The following GYS2 variants were observed in gnomAD, a reference collection of about 807,000 sequenced individuals.
The protein encoded by GYS2 is glycogen [starch] synthase, liver.
GYS2 carries 80 observed loss-of-function variants against 85.6 expected under a neutral mutation model. That is an observed-to-expected ratio of 0.93 (90% confidence interval 0.78 to 1.13). The LOEUF is 1.13. GYS2 is among the 50% of genes most tolerant of loss of function. The pLI is 0.00. For missense variants in GYS2, 881 were observed against 854.9 expected (o/e 1.03, Z -0.38); for synonymous variants, 328 against 300.7 (o/e 1.09, Z -0.94).
At chr12:21,562,874 T>C (rs1041915713) in intron 7 of GYS2, 44 bp downstream of exon 7, 1 of 1,607,856 alleles carries the variant, frequency 6.2e-7, no homozygotes, top group Non-Finnish European at 8.5e-7. Context: ...CAGAAGAAAG[T>C]TCTCCCTACA....
intron 2 of GYS2, among the ~76,000 whole-genome samples, chr12:21,579,261 A>G (rs117965265): frequency 0.016 from 2,429 of 152,284 alleles, 26 homozygotes; most frequent in Non-Finnish European, 0.024. Context: ...TATTGAAGTC[A>G]GTAGTCCAAA....
At chr12:21,563,185 C>T in intron 6 of GYS2, 43 bp downstream of exon 6, 2 of 1,256,102 alleles carry the variant, frequency 1.6e-6, no homozygotes, top group Non-Finnish European at 2.3e-6. Flanking sequence ...AAAGATCACT[C>T]ATATCTGATA....
intron 4 of GYS2, among the ~76,000 whole-genome samples, chr12:21,573,868 C>T (rs1944413607): frequency 6.6e-6 from 1 of 152,218 alleles, no homozygotes; most frequent in Non-Finnish European, 1.5e-5. Flanking sequence ...TGCACCTACA[C>T]CATGTCTTTA....
intron 1 of GYS2, among the ~76,000 whole-genome samples, chr12:21,597,840 C>T (rs1280893324): frequency 1.3e-5 from 2 of 152,074 alleles, no homozygotes; most frequent in Non-Finnish European, 1.5e-5. Flanking sequence ...GTGGTGTATA[C>T]ACACAATTGA....
chr12:21,542,404 A>G, intron 13 of GYS2, 92 bp downstream of exon 13: 1 of 823,096 alleles, frequency 1.2e-6, no homozygotes, highest in Non-Finnish European at 2.2e-6. Context: ...AATTATCAGG[A>G]TAGCTTTAGA....
intron 3 of GYS2, among the ~76,000 whole-genome samples, chr12:21,574,747 A>G (rs1334902577): frequency 6.6e-6 from 1 of 151,826 alleles, no homozygotes; most frequent in Admixed American, 6.6e-5. Context: ...AACTACTTAA[A>G]TTTTTTTTAA....
chr12:21,581,136 C>T (rs1253181754), intron 1 of GYS2, among the ~76,000 whole-genome samples: 1 of 152,204 alleles, frequency 6.6e-6, no homozygotes, highest in Non-Finnish European at 1.5e-5. Flanking sequence ...AATCCAATAA[C>T]ACAAATACGT....
chr12:21,591,422 CT>C (rs1208838266), intron 1 of GYS2, among the ~76,000 whole-genome samples: 1 of 151,238 alleles, frequency 6.6e-6, no homozygotes, highest in Non-Finnish European at 1.5e-5. Context: ...GAAGACAGGT[CT>C]TTTAAAATTA....
chr12:21,568,841 A>T, intron 5 of GYS2, 24 bp downstream of exon 5: 1 of 1,597,672 alleles, frequency 6.3e-7, no homozygotes, highest in Non-Finnish European at 8.6e-7. Context: ...ACTGAAAGAT[A>T]GGTGATCCAG....
chr12:21,589,160 T>G (rs796090993), intron 1 of GYS2, among the ~76,000 whole-genome samples: 18 of 152,370 alleles, frequency 1.2e-4, no homozygotes, highest in African/African-American at 4.3e-4. Context: ...TAAAACATCC[T>G]TGTTTGTTAG....
Position 21,559,145 on chromosome 12 carries a change from A to C in GYS2, c.1254T>G (p.Asp418Glu), listed in dbSNP as rs1167132687. ...LLRGEIPDLNDILDRDDLTIM... is the reference protein window; with the variant it reads ...LLRGEIPDLNEILDRDDLTIM... ...TTGTTAGATCATCTCGATCTAAAATATCGTTCAGGTCAGGAATTTCTCCTC... is the reference window on the plus strand; with the variant it reads ...TTGTTAGATCATCTCGATCTAAAATCTCGTTCAGGTCAGGAATTTCTCCTC... Residue 418 changes from aspartate (D) to glutamate (E), a missense_variant, in exon 10 of 16, where the codon GAT becomes GAG. Transcript: ENST00000261195. 6.2e-7 allele frequency: 1 copy of C among 1,608,486 alleles called. No individual in the cohort carries two copies. The highest frequency in any genetic ancestry group is 1.1e-5 in the South Asian group (1 of 90,760).
At position 21,562,507 on chromosome 12, in the gene GYS2, A is replaced by G. The variant is rs572959618; in HGVS notation, c.1062+411T>C. 1.2e-4 allele frequency among the ~76,000 whole-genome samples: 18 copies of G among 152,294 alleles called. No homozygotes were observed. The East Asian group carries it at 3.5e-3, about 29-fold the overall frequency. ...GTCATGTGCATAAGCCACATCTTCC[A>G]TTATAGTCTTCACTGATTTTCTGAA... On this transcript the variant is annotated intron_variant, in intron 7 of 15. Transcript: ENST00000261195.
intron 1 of GYS2, among the ~76,000 whole-genome samples, chr12:21,600,614 G>C (rs1944745444): frequency 6.6e-6 from 1 of 152,116 alleles, no homozygotes; most frequent in African/African-American, 2.4e-5. Context: ...TTAAACTTTA[G>C]AGCAGTTGTT....
intron 1 of GYS2, 130 bp from the exon 2 acceptor site, chr12:21,580,653 T>G (rs1471329058): frequency 4.0e-6 from 3 of 746,556 alleles, no homozygotes; most frequent in Non-Finnish European, 7.1e-6. Flanking sequence ...TTATTTACCT[T>G]TCAAAAATAA....
chr12:21,559,499 G>T, intron 9 of GYS2, 152 bp downstream of exon 9: 2 of 637,122 alleles, frequency 3.1e-6, no homozygotes, highest in Non-Finnish European at 5.6e-6. Flanking sequence ...TCAAATGAAG[G>T]GTAAAATACT....
chr12:21,532,619 TTG>T (rs906978925), downstream of GYS2: 27 of 152,206 alleles, frequency 1.8e-4, no homozygotes, highest in Admixed American at 1.5e-3. Flanking sequence ...TCCAAAAGCA[TTG>T]TCTTTTATTT....
At chr12:21,543,824 T>C (rs1013382303) in intron 12 of GYS2, among the ~76,000 whole-genome samples, 7 of 152,180 alleles carry the variant, frequency 4.6e-5, no homozygotes, top group African/African-American at 7.2e-5. Flanking sequence ...CTCCCACTTA[T>C]GAGTGAGAAC....
chr12:21,587,390 G>A (rs370822214), intron 1 of GYS2, among the ~76,000 whole-genome samples: 5 of 152,136 alleles, frequency 3.3e-5, no homozygotes, highest in African/African-American at 1.2e-4. Context: ...TAATCCTCAC[G>A]TGTTGTGGGA....
At chr12:21,595,574 A>C (rs528940716) in intron 1 of GYS2, among the ~76,000 whole-genome samples, 1 of 152,296 alleles carries the variant, frequency 6.6e-6, no homozygotes, top group East Asian at 1.9e-4. Flanking sequence ...TACATTACTA[A>C]CATTGAATGT....
Sources: allele counts gnomAD v4.1 joint callset (sites outside exome capture counted in the v4.1 genomes callset), GRCh38; gene constraint gnomAD v4.1.1; transcripts MANE v1.5; gene names NCBI Gene and HGNC (gene_info 2026-07-23, HGNC 2026-07-21).